Variants in DUOX1 observed in about 807,000 individuals in gnomAD.
DUOX1 encodes the protein dual oxidase 1.
In DUOX1, 134 loss-of-function variants were observed where a neutral mutation model predicts 181.8. That is an observed-to-expected ratio of 0.74 (90% CI 0.64 to 0.85). The LOEUF (loss-of-function observed/expected upper bound fraction) is 0.85. Among genes scored for constraint, DUOX1 ranks in the 40% least tolerant of loss-of-function variants. The pLI, the probability that DUOX1 is intolerant of heterozygous loss-of-function variation, is 0.00. For synonymous variants in DUOX1, 798 were observed against 832.5 expected (o/e 0.96, Z 0.71); for missense variants, 1,814 against 2,064.4 (o/e 0.88, Z 2.35).
At chr15:45,146,943 A>G (rs1334163676) in intron 18 of DUOX1, among the ~76,000 whole-genome samples, 1 of 152,174 alleles carries the variant, frequency 6.6e-6, no homozygotes, top group Non-Finnish European at 1.5e-5. Context: ...TCTTAGTTAA[A>G]ACTTTTTTTA....
intron 18 of DUOX1, among the ~76,000 whole-genome samples, chr15:45,145,287 G>T (rs547818890): frequency 2.0e-5 from 3 of 152,190 alleles, no homozygotes; most frequent in South Asian, 2.1e-4. Flanking sequence ...AGGCTCCAGT[G>T]GGGGGATGCC....
At chr15:45,139,803 T>C (rs1214656686) in intron 12 of DUOX1, 17 of 656,190 alleles carry the variant, frequency 2.6e-5, no homozygotes, top group Middle Eastern at 4.2e-4. Context: ...ACTCGGATTG[T>C]TCAGATCCAG....
At position 45,160,854 on chromosome 15, in the gene DUOX1, C is replaced by T; in HGVS notation, c.3720C>T (p.Ser1240=). ...LLYVLLIIHG[S]FALIQLPRFH... Reference sequence around the variant, plus strand: ...CCATCTAGCTCATCATCCATGGTAGCTTTGCCCTGATCCAGCTGCCCCGTT... The same window carrying T: ...CCATCTAGCTCATCATCCATGGTAGTTTTGCCCTGATCCAGCTGCCCCGTT... Residue 1240 remains serine (S), a synonymous_variant, in exon 29 of 34, where the codon AGC becomes AGT. Transcript: ENST00000389037. 1 of 1,609,584 alleles carries T rather than the reference C, an allele frequency of 6.2e-7. No homozygotes were observed. The highest frequency in any genetic ancestry group is 1.1e-5 in the South Asian group (1 of 90,234).
Position 45,165,172 on chromosome 15 carries a change from CT to C in DUOX1, c.*272del, listed in dbSNP as rs1669898914. ...ACTGATTTGGGGCAAAGTGAAACCT[CT>C]GCTTCCAGACTTCAGAAACAAATCT... On this transcript the variant is annotated 3_prime_UTR_variant, in exon 34 of 34. Coordinates refer to ENST00000389037, the MANE Select transcript of DUOX1 (RefSeq NM_175940.3). The C allele has an allele frequency of 1.9e-6, 1 of 522,192 alleles. No homozygotes were observed. The highest frequency in any genetic ancestry group is 1.9e-5 in the African/African-American group (1 of 52,500). 32.3% of individuals were successfully genotyped at this position (522,192 alleles called of 1,614,324 possible).
intron 33 of DUOX1, 96 bp from the exon 34 acceptor site, chr15:45,164,683 C>A: frequency 7.3e-7 from 1 of 1,378,850 alleles, no homozygotes; most frequent in Non-Finnish European, 1.0e-6. Context: ...GTTGCCCAGG[C>A]TGGTCTTGAA....
intron 16 of DUOX1, 127 bp downstream of exon 16, chr15:45,143,430 G>C (rs1567012747): frequency 1.3e-5 from 9 of 692,722 alleles, no homozygotes; most frequent in Non-Finnish European, 2.2e-5. Flanking sequence ...GGCCACAGTG[G>C]CATTAAGCAG....
chr15:45,152,341 C>T lies in DUOX1; in HGVS notation c.3249C>T (p.Ile1083=), dbSNP rs1400619922. The T allele has an allele frequency of 7.4e-6, 12 of 1,614,104 alleles. No individual in the cohort carries two copies. The highest frequency in any genetic ancestry group is 1.0e-5 in the Non-Finnish European group (12 of 1,180,048). ...TGITDTTRVG[I]ILSRGTAASI... ...TCACAGACACCACCCGCGTGGGAATCATCCTGTCGCGGGGCACAGCAGCCA... is the reference window on the plus strand; with the variant it reads ...TCACAGACACCACCCGCGTGGGAATTATCCTGTCGCGGGGCACAGCAGCCA... Residue 1083 remains isoleucine (I), a synonymous_variant, in exon 25 of 34, where the codon ATC becomes ATT. Transcript: ENST00000389037.
In DUOX1 at chr15:45,141,295, G is replaced by A; in HGVS notation, c.1569G>A (p.Leu523=). The A allele has an allele frequency of 6.2e-7, 1 of 1,614,032 alleles. No homozygotes were observed. Among genetic ancestry groups the A allele is most frequent in the Non-Finnish European group, 8.5e-7 (1 of 1,179,914 alleles). Residue 523 remains leucine (L), a synonymous_variant, in exon 14 of 34, where the codon CTG becomes CTA. Transcript: ENST00000389037. The part of the protein sequence containing the change: ...RYWFENTRNG[L]FSKKEIEEIR... ...ACTTCTACTTACTCCAACTTAGGCT[G>A]TTCTCCAAGAAGGAGATTGAAGAAA...
intron 2 of DUOX1, among the ~76,000 whole-genome samples, chr15:45,132,936 C>T (rs372013964): frequency 6.6e-6 from 1 of 152,162 alleles, no homozygotes; most frequent in Admixed American, 6.5e-5. Flanking sequence ...GCTCAAACAT[C>T]AGGCCCTGAG....
chr15:45,156,920 C>T (rs1307441895), intron 28 of DUOX1, among the ~76,000 whole-genome samples: 1 of 152,164 alleles, frequency 6.6e-6, no homozygotes, highest in Non-Finnish European at 1.5e-5. Flanking sequence ...GCTTGTCTGC[C>T]TTCCTCATGA....
At chr15:45,141,189 C>A in intron 13 of DUOX1, 103 bp from the exon 14 acceptor site, 3 of 1,562,088 alleles carry the variant, frequency 1.9e-6, no homozygotes, top group South Asian at 2.2e-5. Flanking sequence ...ACCCACTTCC[C>A]AACACCTCTG....
At chr15:45,149,422 C>G (rs950983114) in intron 21 of DUOX1, among the ~76,000 whole-genome samples, 1 of 152,196 alleles carries the variant, frequency 6.6e-6, no homozygotes, top group Non-Finnish European at 1.5e-5. Context: ...ACCACAGAGT[C>G]CCAGGGACAT....
chr15:45,143,055 A>G (rs1896549175), intron 15 of DUOX1, 135 bp from the exon 16 acceptor site: 1 of 668,650 alleles, frequency 1.5e-6, no homozygotes, highest in South Asian at 1.9e-5. Context: ...GACCTTCCCA[A>G]TCTGAAACAA....
rs527557138 is a variant in DUOX1, at chr15:45,134,136, C to T, written c.143-9C>T. 4.5e-6 allele frequency: 7 copies of T among 1,549,166 alleles called. No homozygotes were observed. In the African/African-American group the frequency reaches 6.9e-5, roughly 15 times the overall value. On this transcript the variant is annotated splice_polypyrimidine_tract_variant and intron_variant, in intron 3 of 33. Transcript: ENST00000389037. The stretch of plus-strand genomic sequence containing the variant: ...AGATTCATCCTTATCCTTACCCCTC[C>T]TACCCCAGGCTCCCGGCTGCAGCGC...
chr15:45,130,827 G>T (rs897346308), intron 1 of DUOX1, among the ~76,000 whole-genome samples: 1 of 152,200 alleles, frequency 6.6e-6, no homozygotes, highest in Non-Finnish European at 1.5e-5. Flanking sequence ...GGTGGCGGGG[G>T]AGGGGAATGA....
intron 12 of DUOX1, chr15:45,140,096 G>T: frequency 7.5e-7 from 1 of 1,332,436 alleles, no homozygotes; most frequent in Non-Finnish European, 1.0e-6. Context: ...TCCCACAGCC[G>T]CACAAATTGG....
chr15:45,160,797 G>C, intron 28 of DUOX1, 40 bp from the exon 29 acceptor site: 1 of 1,565,208 alleles, frequency 6.4e-7, no homozygotes, highest in Non-Finnish European at 8.7e-7. Context: ...TTCTGCTATG[G>C]GCATCGCTAG....
chr15:45,135,157 G>C lies in DUOX1; in HGVS notation c.361G>C (p.Glu121Gln). Residue 121 changes from glutamate (E) to glutamine (Q), a missense_variant, in exon 5 of 34, where the codon GAG (glutamate) becomes CAG (glutamine). Around this residue, in one of 5 missense-constraint regions of DUOX1, gnomAD observed 320 missense variants for 313.1 expected, o/e 1.02. Coordinates refer to ENST00000389037, the MANE Select transcript of DUOX1 (RefSeq NM_175940.3). ...VSVETPGCPA[E>Q]FLNIRIPPGD... The stretch of plus-strand genomic sequence containing the variant: ...CGTGGAAACTCCCGGCTGCCCCGCC[G>C]AGTTCCTCAACATTCGCATCCCGCC... The C allele has an allele frequency of 6.2e-7, 1 of 1,613,740 alleles. No homozygotes were observed. The highest frequency in any genetic ancestry group is 8.5e-7 in the Non-Finnish European group (1 of 1,179,910).
At chr15:45,148,553 CAGA>C (rs1896720712) in intron 21 of DUOX1, 106 bp downstream of exon 21, 1 of 1,301,692 alleles carries the variant, frequency 7.7e-7, no homozygotes. Context: ...CCATTAAAAT[CAGA>C]AGAAAAAAAT....
Sources: gnomAD v4.1 joint callset for allele counts (sites outside exome capture counted in the v4.1 genomes callset) on GRCh38, gnomAD v4.1.1 for gene constraint, gnomAD v4.1.1 regional missense constraint, MANE v1.5 for transcripts, NCBI Gene and HGNC (gene_info 2026-07-23, HGNC 2026-07-21) for gene names.